Variants in SPATA20 observed in about 807,000 individuals in gnomAD.
The protein encoded by SPATA20 is spermatogenesis-associated protein 20.
Under a neutral mutation model 98.9 loss-of-function variants are expected in SPATA20, and 74 were observed. The observed-to-expected ratio is 0.75, with a 90% CI of 0.62 to 0.91. SPATA20 has a LOEUF of 0.91. Among genes scored for constraint, SPATA20 ranks in the 40% least tolerant of loss-of-function variants. The pLI, the probability that SPATA20 is intolerant of heterozygous loss-of-function variation, is 0.00. For synonymous variants in SPATA20, 430 were observed against 440.5 expected, an observed-to-expected ratio of 0.98 and a Z score of 0.30; for missense variants, 1,016 against 1,069.8, an observed-to-expected ratio of 0.95 and a Z score of 0.70.
chr17:50,547,944 C>T (rs1254563496), intron 2 of SPATA20, 177 bp downstream of exon 2: 17 of 1,508,200 alleles, frequency 1.1e-5, no homozygotes, highest in Non-Finnish European at 1.5e-5. Context: ...CCAGGAAGGG[C>T]CGGGGGAGGG....
intron 14 of SPATA20, 55 bp downstream of exon 14, chr17:50,552,235 G>A: frequency 2.7e-6 from 4 of 1,503,606 alleles, no homozygotes; most frequent in Non-Finnish European, 3.7e-6. Context: ...GTGCAGCGTG[G>A]GTGAAGAGCT....
intron 2 of SPATA20, 40 bp downstream of exon 2, chr17:50,547,807 C>T (rs1290642349): frequency 4.9e-6 from 4 of 816,054 alleles, no homozygotes; most frequent in African/African-American, 1.7e-5. Flanking sequence ...CTGGTTTCCT[C>T]TGTTTGTCCC....
intron 6 of SPATA20, 35 bp downstream of exon 6, chr17:50,549,221 G>T (rs200365010): frequency 1.3e-6 from 2 of 1,595,530 alleles, no homozygotes; most frequent in Non-Finnish European, 1.7e-6. Context: ...GGACCAGGGT[G>T]GGGGACTAGG....
Position 50,550,760 on chromosome 17 carries a change from A to G in SPATA20, c.1226A>G (p.Gln409Arg), listed in dbSNP as rs779496637. ...GCAGACTCGCCCCCAGAGCGGGGCC[A>G]GCGGCCCAAAGAGGGCGCCTACTAT... Reference protein sequence around the residue: ...EDADSPPERGQRPKEGAYYVW... With the variant: ...EDADSPPERGRRPKEGAYYVW... The change falls in exon 11 of 17, where the codon CAG becomes CGG. Residue 409 changes from glutamine (Q) to arginine (R), a missense_variant. Physicochemically the swap from Gln to Arg is conservative, Grantham distance 43. Transcript: ENST00000006658. The G allele has an allele frequency of 3.2e-5, 51 of 1,613,080 alleles. No homozygotes were observed. The East Asian group carries it at 1.1e-3, about 35-fold the overall frequency.
At position 50,555,767 on chromosome 17, in the gene SPATA20, C is replaced by A; in HGVS notation, c.*105C>A. On this transcript the variant is annotated 3_prime_UTR_variant, in exon 17 of 17. Coordinates refer to ENST00000006658, the MANE Select transcript of SPATA20 (RefSeq NM_022827.4). ...GAACCTGTGGCCATCCCTGAGCACC[C>A]TGCCACCAGGTGACCTCGGCCATAC... The A allele has an allele frequency of 9.6e-7, 1 of 1,042,394 alleles. No homozygotes were observed. Among genetic ancestry groups the A allele is most frequent in the South Asian group, 1.6e-5 (1 of 62,080 alleles). 64.6% of individuals were successfully genotyped at this position (1,042,394 alleles called of 1,614,324 possible).
At chr17:50,547,651 C>T (rs776460477) in intron 1 of SPATA20, 69 bp from the exon 2 acceptor site, 36 of 779,276 alleles carry the variant, frequency 4.6e-5, no homozygotes, top group Non-Finnish European at 7.7e-5. Flanking sequence ...CTGCATGGAC[C>T]TTTCGTTATT....
chr17:50,547,241 C>A lies in SPATA20; in HGVS notation c.33C>A (p.Val11=). The A allele has an allele frequency of 7.1e-7, 1 of 1,404,070 alleles. No individual in the cohort carries two copies. Among genetic ancestry groups the A allele is most frequent in the Non-Finnish European group, 9.2e-7 (1 of 1,090,186 alleles). 87.0% of individuals were successfully genotyped at this position (1,404,070 alleles called of 1,614,324 possible). The change falls in exon 1 of 17, where the codon GTC becomes GTA. Residue 11 remains valine, a synonymous_variant. Transcript: ENST00000006658. MLGARAWLGR[V]LLLPRAGAGL... is the part of the protein sequence containing the mutation. ...GCGCGCGGGCCTGGTTGGGCCGCGT[C>A]CTTCTGCTGCCCCGCGCCGGTGCAG...
intron 15 of SPATA20, among the ~76,000 whole-genome samples, chr17:50,554,954 G>A (rs2035085125): frequency 6.6e-6 from 1 of 151,020 alleles, no homozygotes; most frequent in Admixed American, 6.6e-5. Flanking sequence ...GTCTGAATGG[G>A]TCTCTGTGTG....
In SPATA20 at chr17:50,549,126, T is replaced by C; in HGVS notation, c.600T>C (p.Pro200=). 2 of 1,612,252 alleles carry C rather than the reference T, an allele frequency of 1.2e-6. No homozygotes were observed. The highest frequency in any genetic ancestry group is 1.7e-6 in the Non-Finnish European group (2 of 1,179,210). Residue 200 remains proline (P), a synonymous_variant, in exon 6 of 17, where the codon CCT becomes CCC. Transcript: ENST00000006658. ...CCTTTGTCGGGGGCACCTATTTCCC[T>C]CCTGAGGATGGCTTGACCCGAGTCG... ...LQPFVGGTYF[P]PEDGLTRVGF... is the part of the protein sequence containing the mutation.
intron 14 of SPATA20, 36 bp downstream of exon 14, chr17:50,552,216 G>A (rs1200610677): frequency 6.3e-7 from 1 of 1,588,002 alleles, no homozygotes; most frequent in African/African-American, 1.3e-5. Context: ...GGGGTCCTGG[G>A]AGGTGTAAGT....
chr17:50,555,181 C>A, intron 15 of SPATA20, 51 bp from the exon 16 acceptor site: 2 of 1,508,036 alleles, frequency 1.3e-6, no homozygotes, highest in Non-Finnish European at 1.8e-6. Flanking sequence ...TGGTCTAGGG[C>A]TCAGCCCTCC....
rs142846305 is a variant in SPATA20, at chr17:50,550,825, C to G, written c.1291C>G (p.Pro431Ala). Reference sequence around the variant, plus strand: ...AGAGGTTCAGCAGCTCCTCCCGGAGCCTGTGTTGGGTGCCACCGAGCCGCT... The same window carrying G: ...AGAGGTTCAGCAGCTCCTCCCGGAGGCTGTGTTGGGTGCCACCGAGCCGCT... ...VKEVQQLLPE[P>A]VLGATEPLTS... Residue 431 changes from proline (P) to alanine (A), a missense_variant, in exon 11 of 17, where the codon CCT becomes GCT. Coordinates refer to ENST00000006658, the MANE Select transcript of SPATA20 (RefSeq NM_022827.4). 6.2e-7 allele frequency: 1 copy of G among 1,613,004 alleles called. No homozygotes were observed. Among genetic ancestry groups the G allele is most frequent in the Admixed American group, 1.7e-5 (1 of 60,036 alleles).
rs2035096768 is a variant in SPATA20 at position 50,555,320 on chromosome 17, T to C, written c.2238+8T>C. The C allele has an allele frequency of 6.2e-7, 1 of 1,613,278 alleles. No homozygotes were observed. Among genetic ancestry groups the C allele is most frequent in the African/African-American group, 1.3e-5 (1 of 74,850 alleles). On this transcript the variant is annotated splice_region_variant and intron_variant, in intron 16 of 16. Coordinates refer to ENST00000006658, the MANE Select transcript of SPATA20 (RefSeq NM_022827.4). ...GTCTACATTCCTAACAAGGTACCCA[T>C]CCCTGTGAGCCCAATCTGCCACCTC...
chr17:50,550,764 G>C lies in SPATA20; in HGVS notation c.1230G>C (p.Arg410=). ...ACTCGCCCCCAGAGCGGGGCCAGCGGCCCAAAGAGGGCGCCTACTATGTGT... is the reference window on the plus strand; with the variant it reads ...ACTCGCCCCCAGAGCGGGGCCAGCGCCCCAAAGAGGGCGCCTACTATGTGT... ...DADSPPERGQ[R]PKEGAYYVWT... The change falls in exon 11 of 17, where the codon CGG becomes CGC. Residue 410 remains arginine (R), a synonymous_variant. Transcript: ENST00000006658. 6.2e-7 allele frequency: 1 copy of C among 1,613,212 alleles called. No individual in the cohort carries two copies. The highest frequency in any genetic ancestry group is 2.2e-5 in the East Asian group (1 of 44,884).
In SPATA20 at chr17:50,554,234, C is replaced by T; in HGVS notation, c.1958-17C>T. On this transcript the variant is annotated splice_polypyrimidine_tract_variant and intron_variant, in intron 14 of 16. Transcript: ENST00000006658. ...ACCTGCCCTTACCCCCACCCCCTGC[C>T]TCCCTATGTGCTGTAGACCAGGATG... is the stretch of plus-strand genomic sequence containing the variant. 1 of 1,613,118 alleles carries T rather than the reference C, an allele frequency of 6.2e-7. No individual in the cohort carries two copies. The highest frequency in any genetic ancestry group is 8.5e-7 in the Non-Finnish European group (1 of 1,179,530).
chr17:50,547,531 G>A (rs895934417), intron 1 of SPATA20, 189 bp from the exon 2 acceptor site: 4 of 676,910 alleles, frequency 5.9e-6, no homozygotes, highest in African/African-American at 3.5e-5. Flanking sequence ...AGCTCCTCAG[G>A]GACTGTTCTG....
intron 15 of SPATA20, 120 bp downstream of exon 15, chr17:50,554,570 T>G (rs1207432107): frequency 3.1e-6 from 3 of 981,828 alleles, no homozygotes; most frequent in Non-Finnish European, 3.2e-6. Context: ...TCTGTGTGTG[T>G]GCAGGCACGT....
chr17:50,550,958 C>G (rs1567910313), intron 11 of SPATA20, 40 bp from the exon 12 acceptor site: 1 of 1,611,492 alleles, frequency 6.2e-7, no homozygotes, highest in African/African-American at 1.3e-5. Context: ...CTGGTGCCTG[C>G]CAGGCGTGTG....
chr17:50,552,201 A>T (rs769044680), intron 14 of SPATA20, 21 bp downstream of exon 14: 1 of 1,608,464 alleles, frequency 6.2e-7, no homozygotes, highest in Non-Finnish European at 8.5e-7. Context: ...GTGCAGGGCT[A>T]GTCTGGGGTC....
Sources: allele counts gnomAD v4.1 joint callset (sites outside exome capture counted in the v4.1 genomes callset), GRCh38; gene constraint gnomAD v4.1.1; transcripts MANE v1.5; gene names NCBI Gene and HGNC (gene_info 2026-07-23, HGNC 2026-07-21).